Variants in ARHGAP35 observed in about 807,000 individuals in gnomAD.
ARHGAP35 encodes rho GTPase-activating protein 35.
In ARHGAP35, 15 loss-of-function variants were observed where a neutral mutation model predicts 111.1. The observed-to-expected ratio is 0.13, with a 90% CI of 0.09 to 0.21. The LOEUF is 0.21. Among genes scored for constraint, ARHGAP35 ranks in the 10% least tolerant of loss-of-function variants. ARHGAP35 has a pLI of 1.00. For missense variants in ARHGAP35, 1,262 were observed against 1,873.0 expected, an observed-to-expected ratio of 0.67 and a Z score of 6.02; for synonymous variants, 643 against 710.3, an observed-to-expected ratio of 0.91 and a Z score of 1.51.
intron 3 of ARHGAP35, among the ~76,000 whole-genome samples, chr19:46,978,425 G>A (rs73059314): frequency 0.13 from 20,368 of 151,994 alleles, 1,649 homozygotes; most frequent in Admixed American, 0.17. Context: ...TGGGCCTGCC[G>A]TGGAAAGGAA....
At chr19:46,873,104 T>G (rs1395943799) in intron 1 of ARHGAP35, among the ~76,000 whole-genome samples, 1 of 152,136 alleles carries the variant, frequency 6.6e-6, no homozygotes, top group Non-Finnish European at 1.5e-5. Context: ...GCCCAGAGTC[T>G]CTGCTCTCTG....
At chr19:46,890,931 C>T (rs774562961) in intron 1 of ARHGAP35, among the ~76,000 whole-genome samples, 16 of 152,132 alleles carry the variant, frequency 1.1e-4, no homozygotes, top group Admixed American at 3.3e-4. Context: ...TGTTTACTTA[C>T]TAGAAGAGCA....
intron 1 of ARHGAP35, among the ~76,000 whole-genome samples, chr19:46,867,953 G>A (rs1261862961): frequency 2.0e-5 from 3 of 152,222 alleles, no homozygotes; most frequent in Middle Eastern, 3.4e-3. Flanking sequence ...TACAAAGTCC[G>A]CCTCCTGGAT....
At chr19:46,995,979 C>T (rs760102402) in intron 5 of ARHGAP35, among the ~76,000 whole-genome samples, 16 of 152,242 alleles carry the variant, frequency 1.1e-4, no homozygotes, top group Non-Finnish European at 2.4e-4. Context: ...TACTCAGGAG[C>T]ACCTGGACCA....
At chr19:46,939,928 C>A (rs1767073454) in intron 3 of ARHGAP35, among the ~76,000 whole-genome samples, 1 of 151,494 alleles carries the variant, frequency 6.6e-6, no homozygotes, top group African/African-American at 2.4e-5. Context: ...TATCCTGGAC[C>A]ACACGTTACA....
In ARHGAP35 at chr19:46,993,239, G is replaced by A. The variant is rs1055045267; in HGVS notation, c.4036+3564G>A. Among the ~76,000 whole-genome samples, 3 of 152,232 alleles carry A rather than the reference G, an allele frequency of 2.0e-5. No individual in the cohort carries two copies. Among genetic ancestry groups the A allele is most frequent in the Admixed American group, 6.5e-5 (1 of 15,282 alleles). ...TTTACCACCTGGGGCGGGGAGAGCC[G>A]ACGCCGGACGAGCCTGCGTGATCAC... On this transcript the variant is annotated intron_variant, in intron 5 of 6. Coordinates refer to ENST00000672722, the MANE Select transcript of ARHGAP35 (RefSeq NM_004491.5). This position sits in a 1 kb window ranked among gnomAD's most constrained non-coding sequence, Gnocchi z 4.6.
At chr19:46,983,539 T>C (rs370936257) in intron 3 of ARHGAP35, among the ~76,000 whole-genome samples, 2 of 151,648 alleles carry the variant, frequency 1.3e-5, no homozygotes, top group South Asian at 4.2e-4. Context: ...TCTATTTCAA[T>C]GAATAACAGC....
Position 46,920,738 on chromosome 19 carries a change from G to C in ARHGAP35, c.2063G>C (p.Arg688Pro). Residue 688 changes from arginine to proline, a missense_variant, in exon 2 of 7, where the codon CGG becomes CCG. Transcript: ENST00000672722. The surrounding 1 kb of genome is among the most constrained non-coding windows in gnomAD (Gnocchi z 7.0). ...AAGAGTAGAGAGTCCACGCTGGGCC[G>C]GCGGGATAATCATTTAGTCCATCTC... ...IEKSRESTLG[R>P]RDNHLVHLPL... is the part of the protein sequence containing the mutation. 6.2e-7 allele frequency: 1 copy of C among 1,611,918 alleles called. No individual in the cohort carries two copies. Among genetic ancestry groups the C allele is most frequent in the South Asian group, 1.1e-5 (1 of 90,844 alleles).
In ARHGAP35 at chr19:46,989,691, C is replaced by A; in HGVS notation, c.4036+16C>A. The A allele has an allele frequency of 6.2e-7, 1 of 1,613,554 alleles. No individual in the cohort carries two copies. ...GAAGCACACAGTGAGTACCGGCAGC[C>A]CAGTGTTGGGCGGATTGAGGGAGAA... is the stretch of plus-strand genomic sequence containing the variant. On this transcript the variant is annotated intron_variant, in intron 5 of 6. Coordinates refer to ENST00000672722, the MANE Select transcript of ARHGAP35 (RefSeq NM_004491.5). This position sits in a 1 kb window ranked among gnomAD's most constrained non-coding sequence, Gnocchi z 5.3.
chr19:46,891,430 T>G (rs375477265), intron 1 of ARHGAP35, among the ~76,000 whole-genome samples: 55 of 151,680 alleles, frequency 3.6e-4, no homozygotes, highest in African/African-American at 8.9e-4. Context: ...AGTTTTTTTT[T>G]TTTGTTTTTT....
intron 1 of ARHGAP35, among the ~76,000 whole-genome samples, chr19:46,909,008 A>G (rs2056124640): frequency 6.6e-6 from 1 of 152,166 alleles, no homozygotes; most frequent in Admixed American, 6.5e-5. Flanking sequence ...TTTAAAAATT[A>G]ACTTTAGAGC....
intron 1 of ARHGAP35, among the ~76,000 whole-genome samples, chr19:46,881,230 G>T (rs567159446): frequency 6.6e-6 from 1 of 152,262 alleles, no homozygotes; most frequent in South Asian, 2.1e-4. Context: ...GTGAGCCACT[G>T]CGTCCAGCTC....
chr19:46,868,060 G>T (rs1455976331), intron 1 of ARHGAP35, among the ~76,000 whole-genome samples: 1 of 152,018 alleles, frequency 6.6e-6, no homozygotes, highest in Middle Eastern at 3.2e-3. Flanking sequence ...TAGAGACGGG[G>T]TTTTGCCATG....
At chr19:46,884,493 CTTTTTTTTTTT>C (rs923415995) in intron 1 of ARHGAP35, among the ~76,000 whole-genome samples, 4 of 111,978 alleles carry the variant, frequency 3.6e-5, no homozygotes, top group African/African-American at 1.0e-4. Flanking sequence ...TGATGATATC[CTTTTTTTTTTT>C]TTTTTTTTTT....
chr19:46,922,458 A>G lies in ARHGAP35; in HGVS notation c.3681+102A>G, dbSNP rs888365105. ...AGGACAACCTATTCTGGTAAAAAAA[A>G]AACTGCCCTGTGTGTGTATTTGACT... On this transcript the variant is annotated intron_variant, in intron 2 of 6. Transcript: ENST00000672722. The surrounding 1 kb of genome is among the most constrained non-coding windows in gnomAD (Gnocchi z 4.0). The G allele has an allele frequency of 1.7e-6, 2 of 1,190,674 alleles. No homozygotes were observed. Among genetic ancestry groups the G allele is most frequent in the African/African-American group, 3.1e-5 (2 of 64,858 alleles). The allele number at this position is 1,190,674 out of a possible 1,614,324, so 73.8% of individuals were successfully genotyped here.
At position 46,993,567 on chromosome 19, in the gene ARHGAP35, C is replaced by T. The variant is rs1354103990; in HGVS notation, c.4036+3892C>T. ...GGTATGGGAAGCTAATCGGTAAGGT[C>T]CCTGTGCCCTCTGTCTGTCCCCTCC... On this transcript the variant is annotated intron_variant, in intron 5 of 6. Coordinates refer to ENST00000672722, the MANE Select transcript of ARHGAP35 (RefSeq NM_004491.5). The surrounding 1 kb of genome is among the most constrained non-coding windows in gnomAD (Gnocchi z 4.6). Among the ~76,000 whole-genome samples, 1 of 152,180 alleles carries T rather than the reference C, an allele frequency of 6.6e-6. No homozygotes were observed. Among genetic ancestry groups the T allele is most frequent in the Non-Finnish European group, 1.5e-5 (1 of 68,028 alleles).
In ARHGAP35 at chr19:46,992,818, G is replaced by A. The variant is rs2056686357; in HGVS notation, c.4036+3143G>A. 6.6e-6 allele frequency among the ~76,000 whole-genome samples: 1 copy of A among 152,158 alleles called. No homozygotes were observed. The highest frequency in any genetic ancestry group is 2.4e-5 in the African/African-American group (1 of 41,428). On this transcript the variant is annotated intron_variant, in intron 5 of 6. Coordinates refer to ENST00000672722, the MANE Select transcript of ARHGAP35 (RefSeq NM_004491.5). This position sits in a 1 kb window ranked among gnomAD's most constrained non-coding sequence, Gnocchi z 4.4. ...GTTCAGGATGCCAGCTCATTGTCTCGGCCTTTCCATTTGACAGATGAGACT... is the reference window on the plus strand; with the variant it reads ...GTTCAGGATGCCAGCTCATTGTCTCAGCCTTTCCATTTGACAGATGAGACT...
At position 46,967,821 on chromosome 19, in the gene ARHGAP35, C is replaced by G. The variant is rs1020561027; in HGVS notation, c.3827-20168C>G. On this transcript the variant is annotated intron_variant, in intron 3 of 6. Transcript: ENST00000672722. ...ACCCGCACTGCCTTTCCTTGCTGTT[C>G]CACTTCGAGACTCCCTCCCAGAGTC... 2.6e-5 allele frequency among the ~76,000 whole-genome samples: 4 copies of G among 152,356 alleles called. No homozygotes were observed. The East Asian group carries it at 7.7e-4, about 29-fold the overall frequency.
chr19:46,977,213 C>T (rs564315141), intron 3 of ARHGAP35, among the ~76,000 whole-genome samples: 9 of 152,362 alleles, frequency 5.9e-5, no homozygotes, highest in African/African-American at 2.2e-4. Context: ...TAAAAGTTAA[C>T]AGCCAGGTCT....
Sources: gnomAD v4.1 joint callset for allele counts (sites outside exome capture counted in the v4.1 genomes callset) on GRCh38, gnomAD v4.1.1 for gene constraint, Gnocchi (gnomAD v3.1) non-coding constraint, MANE v1.5 for transcripts, NCBI Gene and HGNC (gene_info 2026-07-23, HGNC 2026-07-21) for gene names.